Variants in ZNF385D observed in about 807,000 individuals in gnomAD.
The protein encoded by ZNF385D is zinc finger protein 385D.
A neutral mutation model predicts 35.8 loss-of-function variants in ZNF385D; 15 were observed. The observed-to-expected ratio is 0.42, with a 90% confidence interval of 0.28 to 0.64. The LOEUF is 0.64. Ranked by LOEUF, ZNF385D falls within the 30% of genes least tolerant of loss-of-function variation. The pLI, the probability that ZNF385D is intolerant of heterozygous loss-of-function variation, is 0.23. For synonymous variants in ZNF385D, 212 were observed against 186.8 expected (o/e 1.13, Z -1.10); for missense variants, 474 against 494.6 (o/e 0.96, Z 0.39).
At chr3:22,130,539 A>G (rs1392120309) in intron 3 of ZNF385D, among the ~76,000 whole-genome samples, 6 of 152,112 alleles carry the variant, frequency 3.9e-5, no homozygotes, top group African/African-American at 1.4e-4. Context: ...AAGCTGGCCA[A>G]ATCTGCTCCG....
intron 3 of ZNF385D, among the ~76,000 whole-genome samples, chr3:21,925,532 A>G (rs1700682466): frequency 6.6e-6 from 1 of 152,198 alleles, no homozygotes. Flanking sequence ...AAAATAGAAA[A>G]CAATGGAGAA....
At chr3:22,096,096 T>G (rs1701605590) in intron 3 of ZNF385D, among the ~76,000 whole-genome samples, 1 of 151,546 alleles carries the variant, frequency 6.6e-6, no homozygotes, top group South Asian at 2.1e-4. Flanking sequence ...AAGACTAAAT[T>G]GAGAACGGAA....
intron 3 of ZNF385D, chr3:21,777,848 G>T (rs2071347200): frequency 6.6e-6 from 1 of 151,816 alleles, no homozygotes; most frequent in African/African-American, 2.4e-5. Context: ...ACCCTGCTGA[G>T]TCTCTTGGTC....
At chr3:21,706,524 A>T (rs964392257) in intron 1 of ZNF385D, among the ~76,000 whole-genome samples, 1 of 152,224 alleles carries the variant, frequency 6.6e-6, no homozygotes, top group Non-Finnish European at 1.5e-5. Flanking sequence ...CCTAAGTTGT[A>T]GCTGGCCCCT....
At chr3:22,169,305 G>C (rs1706533961) in intron 2 of ZNF385D, among the ~76,000 whole-genome samples, 1 of 152,132 alleles carries the variant, frequency 6.6e-6, no homozygotes, top group African/African-American at 2.4e-5. Flanking sequence ...AATGTAATAA[G>C]CACTATAGTA....
intron 2 of ZNF385D, among the ~76,000 whole-genome samples, chr3:22,321,758 T>C (rs1170156238): frequency 6.6e-6 from 1 of 152,142 alleles, no homozygotes; most frequent in Non-Finnish European, 1.5e-5. Flanking sequence ...ACTTTTTTCC[T>C]TTTTCTTATG....
intron 4 of ZNF385D, among the ~76,000 whole-genome samples, chr3:21,508,969 C>CTTTTTTTTT (rs200174782): frequency 2.0e-4 from 28 of 142,362 alleles, no homozygotes; most frequent in East Asian, 4.1e-4. Context: ...CACCTGGGGG[C>CTTTTTTTTT]TTTTTTTTTT....
intron 1 of ZNF385D, among the ~76,000 whole-genome samples, chr3:21,679,964 T>C (rs1360207969): frequency 1.3e-5 from 2 of 152,086 alleles, no homozygotes; most frequent in East Asian, 3.9e-4. Flanking sequence ...CAAAATATTG[T>C]ATGAGAGAGA....
At chr3:21,622,381 C>T (rs778577031) in intron 2 of ZNF385D, among the ~76,000 whole-genome samples, 5 of 152,074 alleles carry the variant, frequency 3.3e-5, no homozygotes, top group Non-Finnish European at 7.4e-5. Context: ...TAGTTTGGTA[C>T]TGAACCTGTC....
chr3:21,908,701 C>T (rs2125910049), intron 3 of ZNF385D, among the ~76,000 whole-genome samples: 1 of 152,034 alleles, frequency 6.6e-6, no homozygotes, highest in East Asian at 1.9e-4. Context: ...GGAAAGAAAA[C>T]AGCATGGGCA....
chr3:22,015,412 C>G (rs368615984), intron 3 of ZNF385D, among the ~76,000 whole-genome samples: 1 of 152,108 alleles, frequency 6.6e-6, no homozygotes. Context: ...AAAATATCTA[C>G]GCTTTTCACA....
At chr3:22,325,174 C>G (rs1044015821) in intron 2 of ZNF385D, among the ~76,000 whole-genome samples, 1 of 152,114 alleles carries the variant, frequency 6.6e-6, no homozygotes, top group Non-Finnish European at 1.5e-5. Context: ...TAAAGGAAGT[C>G]CAGGTGTTTT....
intron 2 of ZNF385D, among the ~76,000 whole-genome samples, chr3:21,632,154 T>TA (rs765890263): frequency 2.0e-5 from 3 of 152,096 alleles, no homozygotes; most frequent in Non-Finnish European, 4.4e-5. Context: ...GAAAGTTAAT[T>TA]AAAAATGGGG....
chr3:21,743,155 T>A (rs559104630), intron 1 of ZNF385D, among the ~76,000 whole-genome samples: 1 of 152,206 alleles, frequency 6.6e-6, no homozygotes, highest in South Asian at 2.1e-4. Context: ...AAGTAGGCCA[T>A]TTTTCCTACT....
chr3:21,709,967 GA>G (rs1373883006), intron 1 of ZNF385D, among the ~76,000 whole-genome samples: 1 of 152,174 alleles, frequency 6.6e-6, no homozygotes, highest in Non-Finnish European at 1.5e-5. Context: ...CAATAAAAAG[GA>G]ACGAGTTATT....
chr3:21,924,535 A>G (rs961392985), intron 3 of ZNF385D, among the ~76,000 whole-genome samples: 2 of 152,190 alleles, frequency 1.3e-5, no homozygotes, highest in Non-Finnish European at 2.9e-5. Flanking sequence ...AACACCATCC[A>G]TGCCACAAAA....
chr3:21,820,432 T>C (rs1025883518), intron 3 of ZNF385D, among the ~76,000 whole-genome samples: 2 of 151,844 alleles, frequency 1.3e-5, no homozygotes, highest in African/African-American at 2.4e-5. Flanking sequence ...AAATACTTCA[T>C]AGCAATAGTT....
chr3:21,538,692 A>T (rs2062097672), intron 3 of ZNF385D, among the ~76,000 whole-genome samples: 1 of 152,268 alleles, frequency 6.6e-6, no homozygotes, highest in African/African-American at 2.4e-5. Context: ...TAATGTGCCA[A>T]TAGAATTATA....
intron 3 of ZNF385D, among the ~76,000 whole-genome samples, chr3:22,165,967 G>A (rs9868641): frequency 0.23 from 35,051 of 151,968 alleles, 4,472 homozygotes; most frequent in African/African-American, 0.34. Context: ...CCAGATTAAG[G>A]CCAAATTCAT....
Sources: allele counts gnomAD v4.1 joint callset (sites outside exome capture counted in the v4.1 genomes callset), GRCh38; gene constraint gnomAD v4.1.1; transcripts MANE v1.5; gene names NCBI Gene and HGNC (gene_info 2026-07-23, HGNC 2026-07-21).